Variants in MSRA observed in about 807,000 individuals in gnomAD.
The protein encoded by MSRA is methionine sulfoxide reductase A, also known as mitochondrial peptide methionine sulfoxide reductase.
Under a neutral mutation model 31.3 loss-of-function variants are expected in MSRA, and 54 were observed. The ratio of observed to expected loss-of-function variants is 1.73; its 90% CI spans 1.39 to 2.17. The LOEUF is 2.17. MSRA is among the 30% of genes most tolerant of loss of function. The pLI is 0.00. For synonymous variants in MSRA, 169 were observed against 116.5 expected, an observed-to-expected ratio of 1.45 and a Z score of -2.90; for missense variants, 507 against 300.9, an observed-to-expected ratio of 1.69 and a Z score of -5.07.
At chr8:10,139,543 C>T (rs562866278) in intron 1 of MSRA, among the ~76,000 whole-genome samples, 6 of 152,220 alleles carry the variant, frequency 3.9e-5, no homozygotes, top group South Asian at 4.1e-4. Flanking sequence ...CCCAAGTCCC[C>T]GATATCTGTT....
chr8:10,095,787 G>A (rs539721449), intron 1 of MSRA: 31 of 1,192,800 alleles, frequency 2.6e-5, no homozygotes, highest in East Asian at 2.2e-4. Context: ...ATACAATGAC[G>A]TTTAGTCACC....
At chr8:10,337,490 G>A (rs879005623) in intron 5 of MSRA, 9 of 536,726 alleles carry the variant, frequency 1.7e-5, no homozygotes, top group Middle Eastern at 4.9e-4. Flanking sequence ...AGCCTATGTC[G>A]CTTTTAAGAT....
chr8:10,322,503 C>A (rs1336555909), intron 5 of MSRA, among the ~76,000 whole-genome samples: 1 of 152,048 alleles, frequency 6.6e-6, no homozygotes, highest in Non-Finnish European at 1.5e-5. Flanking sequence ...TACAAGTGTA[C>A]AGAGAAGCAG....
chr8:10,202,460 G>C (rs555470557), intron 1 of MSRA, among the ~76,000 whole-genome samples: 1 of 152,298 alleles, frequency 6.6e-6, no homozygotes, highest in East Asian at 1.9e-4. Flanking sequence ...GAAGGAAAAT[G>C]ACTTCTTCCC....
At chr8:10,091,814 C>T (rs1406464327) in intron 1 of MSRA, among the ~76,000 whole-genome samples, 1 of 152,060 alleles carries the variant, frequency 6.6e-6, no homozygotes, top group Non-Finnish European at 1.5e-5. Context: ...GCCATGTTGG[C>T]CAGGCTGGTC....
intron 5 of MSRA, among the ~76,000 whole-genome samples, chr8:10,333,155 T>C (rs1802804953): frequency 6.6e-6 from 1 of 152,170 alleles, no homozygotes. Context: ...CATAGGGTGA[T>C]GTTTGAATGA....
chr8:10,177,341 G>A (rs1806143598), intron 1 of MSRA, among the ~76,000 whole-genome samples: 1 of 152,166 alleles, frequency 6.6e-6, no homozygotes, highest in Non-Finnish European at 1.5e-5. Context: ...ACACACTGAT[G>A]GATATGGTGG....
At chr8:10,130,984 A>G (rs1229249409) in intron 1 of MSRA, among the ~76,000 whole-genome samples, 1 of 152,216 alleles carries the variant, frequency 6.6e-6, no homozygotes, top group African/African-American at 2.4e-5. Context: ...CTGAGTGTGT[A>G]TATAGAGATG....
At chr8:10,088,738 A>G (rs1327561379) in intron 1 of MSRA, among the ~76,000 whole-genome samples, 1 of 151,710 alleles carries the variant, frequency 6.6e-6, no homozygotes, top group Non-Finnish European at 1.5e-5. Context: ...TTCATCTCAG[A>G]AAAAAAAAGT....
chr8:10,164,519 C>G lies in MSRA; in HGVS notation c.143-43314C>G, dbSNP rs559094516. 3.3e-5 allele frequency among the ~76,000 whole-genome samples: 5 copies of G among 151,704 alleles called. No homozygotes were observed. In the East Asian group the frequency reaches 9.7e-4, roughly 29 times the overall value. On this transcript the variant is annotated intron_variant, in intron 1 of 5. Transcript: ENST00000317173. ...TCCTCTCTAGGACTCCTGAATAGGCCGAAGAAAAAATTAAATATTTAATAA... is the reference window on the plus strand; with the variant it reads ...TCCTCTCTAGGACTCCTGAATAGGCGGAAGAAAAAATTAAATATTTAATAA...
intron 2 of MSRA, among the ~76,000 whole-genome samples, chr8:10,244,522 C>G (rs1054042212): frequency 2.0e-5 from 3 of 152,042 alleles, no homozygotes; most frequent in African/African-American, 7.3e-5. Flanking sequence ...TTCATTATAT[C>G]CAGAAATAAA....
chr8:10,236,799 G>T (rs1178339692), intron 2 of MSRA, among the ~76,000 whole-genome samples: 6 of 152,168 alleles, frequency 3.9e-5, no homozygotes, highest in Admixed American at 3.9e-4. Flanking sequence ...GGCTGCCTCG[G>T]CCTTCCAGAA....
intron 3 of MSRA, among the ~76,000 whole-genome samples, chr8:10,282,094 A>T (rs1203012627): frequency 6.6e-6 from 1 of 152,190 alleles, no homozygotes; most frequent in African/African-American, 2.4e-5. Context: ...TTGGGAGCTG[A>T]AATAATTCAT....
chr8:10,095,989 A>T (rs1799134355), intron 1 of MSRA: 1 of 1,438,558 alleles, frequency 7.0e-7, no homozygotes, highest in South Asian at 1.6e-5. Flanking sequence ...GTTCATCAAT[A>T]CAAACCTGCT....
intron 1 of MSRA, among the ~76,000 whole-genome samples, chr8:10,145,704 C>T (rs1301477305): frequency 6.6e-6 from 1 of 152,146 alleles, no homozygotes; most frequent in Non-Finnish European, 1.5e-5. Flanking sequence ...GACATGGTGC[C>T]TCCCGAATGA....
chr8:10,246,787 G>A (rs1402945635), intron 3 of MSRA, among the ~76,000 whole-genome samples: 2 of 152,216 alleles, frequency 1.3e-5, no homozygotes, highest in Non-Finnish European at 2.9e-5. Context: ...TATGGAGAAT[G>A]TGGTGTAACA....
intron 5 of MSRA, among the ~76,000 whole-genome samples, chr8:10,388,519 G>C (rs1357081728): frequency 2.0e-5 from 3 of 152,130 alleles, no homozygotes; most frequent in Non-Finnish European, 2.9e-5. Flanking sequence ...GGCATATTCT[G>C]GTCTCCTGCG....
chr8:10,369,147 A>G (rs536315847), intron 5 of MSRA, among the ~76,000 whole-genome samples: 1 of 152,268 alleles, frequency 6.6e-6, no homozygotes, highest in African/African-American at 2.4e-5. Flanking sequence ...GTATTTAAGG[A>G]TGAAGTATTA....
intron 5 of MSRA, among the ~76,000 whole-genome samples, chr8:10,418,282 T>C (rs1437350833): frequency 6.6e-6 from 1 of 152,194 alleles, no homozygotes; most frequent in Non-Finnish European, 1.5e-5. Flanking sequence ...GCAGGTACCC[T>C]CTTTCTTTCC....
Sources: allele counts gnomAD v4.1 joint callset (sites outside exome capture counted in the v4.1 genomes callset), GRCh38; gene constraint gnomAD v4.1.1; transcripts MANE v1.5; gene names NCBI Gene and HGNC (gene_info 2026-07-23, HGNC 2026-07-21).